Variants in NTRK2 observed in about 807,000 individuals in gnomAD.
NTRK2 encodes the protein BDNF/NT-3 growth factors receptor.
A neutral mutation model predicts 94.5 loss-of-function variants in NTRK2; 13 were observed. The observed-to-expected ratio is 0.14, with a 90% confidence interval of 0.09 to 0.22. The LOEUF (loss-of-function observed/expected upper bound fraction) is 0.22. NTRK2 is among the 10% of genes least tolerant of loss of function. NTRK2 has a pLI of 1.00. For missense variants in NTRK2, 639 were observed against 1,071.2 expected, an observed-to-expected ratio of 0.60 and a Z score of 5.63; for synonymous variants, 372 against 407.4, an observed-to-expected ratio of 0.91 and a Z score of 1.05.
At chr9:84,700,053 C>T (rs1289810006) in intron 2 of NTRK2, among the ~76,000 whole-genome samples, 1 of 152,210 alleles carries the variant, frequency 6.6e-6, no homozygotes, top group Non-Finnish European at 1.5e-5. Flanking sequence ...TGAGGAAGAA[C>T]TCTCAATGAC....
chr9:85,011,965 T>TATTTTATTTTATTTC (rs1831634257), intron 17 of NTRK2, among the ~76,000 whole-genome samples: 1 of 146,194 alleles, frequency 6.8e-6, no homozygotes. Context: ...AGCATTATTT[T>TATTTTATTTTATTTC]ATTTTATTTT....
rs2061873360 is a variant in NTRK2 at position 84,718,758 on chromosome 9, G to A, written c.584-4815G>A. Reference sequence around the variant, plus strand: ...CTTGTTAAGCCAAGAAGTAGTGCCTGGCAAATGGTTGATCCTGCCTTGGCT... The same window carrying A: ...CTTGTTAAGCCAAGAAGTAGTGCCTAGCAAATGGTTGATCCTGCCTTGGCT... On this transcript the variant is annotated intron_variant, in intron 6 of 18. Transcript: ENST00000277120. 2.0e-5 allele frequency among the ~76,000 whole-genome samples: 3 copies of A among 152,142 alleles called. No individual in the cohort carries two copies. In the South Asian group the frequency reaches 6.2e-4, roughly 32 times the overall value.
intron 17 of NTRK2, among the ~76,000 whole-genome samples, chr9:84,991,944 G>T (rs1829129651): frequency 6.6e-6 from 1 of 152,016 alleles, no homozygotes; most frequent in African/African-American, 2.4e-5. Flanking sequence ...AAGTCCTGCT[G>T]CCACCCCACA....
At chr9:85,018,534 C>T (rs1376006564) in intron 17 of NTRK2, among the ~76,000 whole-genome samples, 1 of 152,220 alleles carries the variant, frequency 6.6e-6, no homozygotes, top group Non-Finnish European at 1.5e-5. Context: ...ACCGCAAGTC[C>T]TCCAAAGCAT....
chr9:84,996,615 C>T lies in NTRK2; in HGVS notation c.2173-23591C>T, dbSNP rs146630796. 7.2e-5 allele frequency among the ~76,000 whole-genome samples: 11 copies of T among 152,306 alleles called. No homozygotes were observed. The East Asian group carries it at 1.9e-3, about 27-fold the overall frequency. On this transcript the variant is annotated intron_variant, in intron 17 of 18. Transcript: ENST00000277120. ...CTGGTTCCAGGAGATACCAGTGATGCAGTTGCTGGGGTAGCGAGCCCTGCA... is the reference window on the plus strand; with the variant it reads ...CTGGTTCCAGGAGATACCAGTGATGTAGTTGCTGGGGTAGCGAGCCCTGCA...
chr9:84,966,723 G>A (rs1177320728), intron 17 of NTRK2, among the ~76,000 whole-genome samples: 4 of 152,254 alleles, frequency 2.6e-5, no homozygotes, highest in East Asian at 1.9e-4. Context: ...AAGCCACTGC[G>A]CCCAGCCAGT....
intron 5 of NTRK2, among the ~76,000 whole-genome samples, chr9:84,708,637 G>A (rs1410075707): frequency 6.6e-6 from 1 of 152,144 alleles, no homozygotes; most frequent in Non-Finnish European, 1.5e-5. Context: ...GGGCAGATGT[G>A]GGCCCAGGAA....
At chr9:84,834,117 C>A (rs2073733351) in intron 12 of NTRK2, among the ~76,000 whole-genome samples, 1 of 152,104 alleles carries the variant, frequency 6.6e-6, no homozygotes. Context: ...CAGAACTTTA[C>A]AAAATACAAA....
intron 14 of NTRK2, among the ~76,000 whole-genome samples, chr9:84,879,906 G>T (rs1285804338): frequency 1.3e-5 from 2 of 152,220 alleles, no homozygotes; most frequent in Non-Finnish European, 2.9e-5. Flanking sequence ...AGTGGGCAGA[G>T]CCCAGGCCAT....
In NTRK2 at chr9:84,990,964, G is replaced by A. The variant is rs765350793; in HGVS notation, c.2173-29242G>A. ...TTATTGAAGAGGATATAAAGGCTCC[G>A]AATGCTGTTGGCCCGGCATCTTTCC... On this transcript the variant is annotated intron_variant, in intron 17 of 18. Transcript: ENST00000277120. Among the ~76,000 whole-genome samples the A allele has an allele frequency of 3.9e-5, 6 of 152,116 alleles. No individual in the cohort carries two copies. In the East Asian group the frequency reaches 5.8e-4, roughly 15 times the overall value.
chr9:84,975,984 G>A (rs943918369), intron 17 of NTRK2, among the ~76,000 whole-genome samples: 1 of 152,162 alleles, frequency 6.6e-6, no homozygotes, highest in Non-Finnish European at 1.5e-5. Context: ...GTAGATACCT[G>A]AGAGGGCTGC....
At chr9:84,751,642 C>T (rs1218086154) in intron 11 of NTRK2, among the ~76,000 whole-genome samples, 1 of 152,186 alleles carries the variant, frequency 6.6e-6, no homozygotes, top group Non-Finnish European at 1.5e-5. Flanking sequence ...TATTCTCTCT[C>T]TCCCTTTCTC....
chr9:84,691,165 A>G (rs1253035857), intron 2 of NTRK2, among the ~76,000 whole-genome samples: 1 of 152,242 alleles, frequency 6.6e-6, no homozygotes, highest in East Asian at 1.9e-4. Flanking sequence ...ATTCCACAGG[A>G]ACACAGATTT....
intron 12 of NTRK2, chr9:84,810,942 G>A: frequency 8.7e-7 from 1 of 1,146,274 alleles, no homozygotes; most frequent in Non-Finnish European, 1.1e-6. Flanking sequence ...GACATTTATT[G>A]ACTTAATTGC....
At chr9:84,991,950 C>G (rs1206885480) in intron 17 of NTRK2, among the ~76,000 whole-genome samples, 1 of 152,122 alleles carries the variant, frequency 6.6e-6, no homozygotes, top group Non-Finnish European at 1.5e-5. Flanking sequence ...TGCTGCCACC[C>G]CACAACCAGT....
At chr9:84,868,521 A>G (rs1159818705) in intron 14 of NTRK2, among the ~76,000 whole-genome samples, 1 of 152,216 alleles carries the variant, frequency 6.6e-6, no homozygotes, top group East Asian at 1.9e-4. Context: ...TGAGCTTTTA[A>G]TGTGTGAGAC....
chr9:84,893,745 G>A lies in NTRK2; in HGVS notation c.1633+26314G>A, dbSNP rs1352542319. Among the ~76,000 whole-genome samples, 3 of 152,208 alleles carry A rather than the reference G, an allele frequency of 2.0e-5. No homozygotes were observed. The East Asian group carries it at 5.8e-4, about 29-fold the overall frequency. ...TGCAATGTGACCCAGAGGGGAGAATGGTGTGTATCGCTGGGGATGAAGCTT... is the reference window on the plus strand; with the variant it reads ...TGCAATGTGACCCAGAGGGGAGAATAGTGTGTATCGCTGGGGATGAAGCTT... On this transcript the variant is annotated intron_variant, in intron 14 of 18. Transcript: ENST00000277120.
In NTRK2 at chr9:84,934,144, T is replaced by A; in HGVS notation, c.1634-18T>A. 6.2e-7 allele frequency: 1 copy of A among 1,613,620 alleles called. No homozygotes were observed. The highest frequency in any genetic ancestry group is 8.5e-7 in the Non-Finnish European group (1 of 1,179,690). On this transcript the variant is annotated intron_variant, in intron 14 of 18. Coordinates refer to ENST00000277120, the MANE Select transcript of NTRK2 (RefSeq NM_006180.6). ...CACATGCTTCAATTCCAATTTCCAT[T>A]CTGTCTTTGTTTTGCAGTTGTTCAG...
chr9:84,800,393 G>T (rs1378275125), intron 12 of NTRK2, among the ~76,000 whole-genome samples: 1 of 152,072 alleles, frequency 6.6e-6, no homozygotes, highest in African/African-American at 2.4e-5. Flanking sequence ...TAGAGATGGG[G>T]TTTTACCATG....
Sources: allele counts gnomAD v4.1 joint callset (sites outside exome capture counted in the v4.1 genomes callset), GRCh38; gene constraint gnomAD v4.1.1; transcripts MANE v1.5; gene names NCBI Gene and HGNC (gene_info 2026-07-23, HGNC 2026-07-21).